AMBN: variants seen among roughly 807,000 people sequenced by gnomAD.
AMBN encodes ameloblastin, also known as enamel matrix protein.
AMBN carries 54 observed loss-of-function variants against 48.0 expected under a neutral mutation model. That is an observed-to-expected ratio of 1.12 (90% CI 0.90 to 1.41). The LOEUF (loss-of-function observed/expected upper bound fraction) is 1.41. Ranked by LOEUF, AMBN falls within the 40% of genes most tolerant of loss-of-function variation. The pLI, the probability that AMBN is intolerant of heterozygous loss-of-function variation, is 0.00. For synonymous variants in AMBN, 186 were observed against 190.0 expected (o/e 0.98, Z 0.17); for missense variants, 571 against 547.3 (o/e 1.04, Z -0.43).
At chr4:70,603,222 C>T in intron 9 of AMBN, 38 bp from the exon 10 acceptor site, 2 of 1,587,028 alleles carry the variant, frequency 1.3e-6, no homozygotes, top group South Asian at 1.1e-5. Context: ...GGGGATGTGC[C>T]TGTGAGAATT....
rs201299436 is a variant in AMBN, at chr4:70,606,212, G to A, written c.826G>A (p.Gly276Arg). The A allele has an allele frequency of 1.1e-5, 17 of 1,614,044 alleles. No individual in the cohort carries two copies. Among genetic ancestry groups the A allele is most frequent in the East Asian group, 2.2e-5 (1 of 44,846 alleles). ...CGGGAGAGAAGACCCAATGGCCTAT[G>A]GAGCCATGTTTCCAGGATTTGGAGG... ...AGGREDPMAYGAMFPGFGGMR... is the reference protein window; with the variant it reads ...AGGREDPMAYRAMFPGFGGMR... The change falls in exon 13 of 13, where the codon GGA (glycine) becomes AGA (arginine). Residue 276 changes from glycine to arginine, a missense_variant. Coordinates refer to ENST00000322937, the MANE Select transcript of AMBN (RefSeq NM_016519.6).
intron 2 of AMBN, 97 bp from the exon 3 acceptor site, chr4:70,596,902 G>C: frequency 1.0e-6 from 1 of 987,024 alleles, no homozygotes; most frequent in Non-Finnish European, 1.5e-6. Flanking sequence ...TGGCCTCTCA[G>C]GTAGCCCGTA....
chr4:70,592,278 C>T lies in AMBN; in HGVS notation c.-81C>T, dbSNP rs544578996. The stretch of plus-strand genomic sequence containing the variant: ...AATGAGAAGTACAGAGCAAGTCCCA[C>T]GCACAGTCCTGAAAAAAATTTTAAT... On this transcript the variant is annotated 5_prime_UTR_variant, in exon 1 of 13. In the 5' UTR this introduces an upstream ATG that the reference lacks. Coordinates refer to ENST00000322937, the MANE Select transcript of AMBN (RefSeq NM_016519.6). 79 of 1,354,702 alleles carry T rather than the reference C, an allele frequency of 5.8e-5. No individual in the cohort carries two copies. Among genetic ancestry groups the T allele is most frequent in the African/African-American group, 8.5e-5 (6 of 70,466 alleles). 83.9% of individuals were successfully genotyped at this position (1,354,702 alleles called of 1,614,324 possible). A position where few individuals can be genotyped will look rare whatever the true frequency, so the allele number is the denominator to read the frequency against.
chr4:70,592,570 A>G (rs1397739951), intron 1 of AMBN, among the ~76,000 whole-genome samples, 197 bp downstream of exon 1: 2 of 135,966 alleles, frequency 1.5e-5, no homozygotes, highest in African/African-American at 6.0e-5. Flanking sequence ...ACTTTTATTT[A>G]TAGATTGTGT....
Position 70,601,419 on chromosome 4 carries a change from A to G in AMBN, c.296A>G (p.Tyr99Cys), listed in dbSNP as rs1329082409. ...CACTCTTTTCAAATTTCTCTGCAGT[A>G]TGAATATTCTTTGCCTGTGCATCCC... ...MRPREHETQQ[Y>C]EYSLPVHPPP... Residue 99 changes from tyrosine (Y) to cysteine (C), a missense_variant and splice_region_variant, in exon 6 of 13, where the codon TAT (tyrosine) becomes TGT (cysteine). Physicochemically the swap from Tyr to Cys is radical, Grantham distance 194. Transcript: ENST00000322937. 1.2e-6 allele frequency: 2 copies of G among 1,613,474 alleles called. No individual in the cohort carries two copies. The highest frequency in any genetic ancestry group is 1.1e-5 in the South Asian group (1 of 91,046).
chr4:70,602,974 C>T lies in AMBN; in HGVS notation c.612C>T (p.Leu204=). ...MDFPDPQGPS[L]PGLDFADPQG... ...TTTAATATTTATCTGTAATATAGCT[C>T]CCAGGATTGGATTTTGCTGATCCAC... Residue 204 remains leucine (L), a splice_region_variant and synonymous_variant, in exon 9 of 13, where the codon CTC becomes CTT. Coordinates refer to ENST00000322937, the MANE Select transcript of AMBN (RefSeq NM_016519.6). The T allele has an allele frequency of 1.2e-6, 2 of 1,603,598 alleles. No homozygotes were observed. The highest frequency in any genetic ancestry group is 1.7e-6 in the Non-Finnish European group (2 of 1,175,056).
chr4:70,595,916 G>T (rs949374356), intron 2 of AMBN, among the ~76,000 whole-genome samples: 1 of 152,198 alleles, frequency 6.6e-6, no homozygotes, highest in Non-Finnish European at 1.5e-5. Flanking sequence ...GGCACTTTGG[G>T]AGGCCAAGGC....
intron 7 of AMBN, 47 bp from the exon 8 acceptor site, chr4:70,602,751 C>A: frequency 6.8e-7 from 1 of 1,471,174 alleles, no homozygotes; most frequent in Non-Finnish European, 9.2e-7. Flanking sequence ...TATTTAACTA[C>A]TTTGTTCATT....
Position 70,606,688 on chromosome 4 carries a change from G to T in AMBN, c.1302G>T (p.Glu434Asp), listed in dbSNP as rs372302987. 29 of 1,613,858 alleles carry T rather than the reference G, an allele frequency of 1.8e-5. No individual in the cohort carries two copies. The highest frequency in any genetic ancestry group is 2.3e-5 in the Non-Finnish European group (27 of 1,179,932). The stretch of plus-strand genomic sequence containing the variant: ...CCATGCCAGGAAACAAAGCCCAGGA[G>T]CCCGAGATGATGCATGACGCATGGC... ...QTSMPGNKAQ[E>D]PEMMHDAWHF... is the part of the protein sequence containing the mutation. The change falls in exon 13 of 13, where the codon GAG becomes GAT. Residue 434 changes from glutamate (E) to aspartate (D), a missense_variant. By Grantham distance (45) the Glu-to-Asp change is conservative. Transcript: ENST00000322937.
intron 12 of AMBN, among the ~76,000 whole-genome samples, chr4:70,605,683 G>A (rs967795539): frequency 1.3e-5 from 2 of 152,066 alleles, no homozygotes; most frequent in African/African-American, 4.8e-5. Flanking sequence ...AGCTACTAGG[G>A]AGGCTGAGGC....
rs1737388411 is a variant in AMBN at position 70,596,547 on chromosome 4, T to C, written c.85-452T>C. On this transcript the variant is annotated intron_variant, in intron 2 of 12. Coordinates refer to ENST00000322937, the MANE Select transcript of AMBN (RefSeq NM_016519.6). ...AGATTTTTCATATGATTTTTCTGAA[T>C]GTCATGATCCCATGCCATGTCTTGT... Among the ~76,000 whole-genome samples the C allele has an allele frequency of 2.6e-5, 4 of 152,316 alleles. No individual in the cohort carries two copies. In the South Asian group the frequency reaches 8.3e-4, roughly 32 times the overall value.
intron 5 of AMBN, among the ~76,000 whole-genome samples, chr4:70,600,600 G>T (rs117351187): frequency 1.3e-5 from 2 of 152,272 alleles, no homozygotes; most frequent in South Asian, 2.1e-4. Context: ...GCAAAGCAGA[G>T]CCCCAAATTG....
At chr4:70,603,944 T>C in intron 12 of AMBN, 23 bp downstream of exon 12, 2 of 1,612,542 alleles carry the variant, frequency 1.2e-6, no homozygotes, top group East Asian at 2.2e-5. Context: ...TTCTAACTCT[T>C]CTTAAAATAG....
In AMBN at chr4:70,601,459, A is replaced by G. The variant is rs199886372; in HGVS notation, c.336A>G (p.Ser112=). 1 of 1,614,164 alleles carries G rather than the reference A, an allele frequency of 6.2e-7. No individual in the cohort carries two copies. The highest frequency in any genetic ancestry group is 2.2e-5 in the East Asian group (1 of 44,878). The change falls in exon 6 of 13, where the codon TCA becomes TCG. Residue 112 remains serine (S), a synonymous_variant. Transcript: ENST00000322937. Reference sequence around the variant, plus strand: ...CTGTGCATCCCCCACCTCTCCCATCACAGCCATCCTTGAAGCCTCAACAGC... The same window carrying G: ...CTGTGCATCCCCCACCTCTCCCATCGCAGCCATCCTTGAAGCCTCAACAGC... ...SLPVHPPPLP[S]QPSLKPQQPG...
At position 70,606,440 on chromosome 4, in the gene AMBN, G is replaced by A. The variant is rs917347556; in HGVS notation, c.1054G>A (p.Gly352Arg). 2.5e-6 allele frequency: 4 copies of A among 1,613,792 alleles called. No individual in the cohort carries two copies. In the African/African-American group the frequency reaches 5.3e-5, roughly 22 times the overall value. Residue 352 changes from glycine to arginine, a missense_variant, in exon 13 of 13, where the codon GGG (glycine) becomes AGG (arginine). Transcript: ENST00000322937. The part of the protein sequence containing the change: ...LTELEPAPHA[G>R]LLALPKDDIP... ...AGAGCTAGAACCTGCTCCCCACGCA[G>A]GGCTCCTTGCTCTCCCTAAGGATGA...
intron 4 of AMBN, among the ~76,000 whole-genome samples, chr4:70,598,901 A>G (rs919689675): frequency 2.0e-5 from 3 of 151,200 alleles, no homozygotes; most frequent in East Asian, 1.9e-4. Flanking sequence ...CAGCCTCCCA[A>G]GTAGCTGGGA....
chr4:70,604,516 G>A (rs1056226544), intron 12 of AMBN, among the ~76,000 whole-genome samples: 4 of 139,034 alleles, frequency 2.9e-5, no homozygotes, highest in Non-Finnish European at 6.1e-5. Flanking sequence ...ACATCTGTTA[G>A]AGCACAAGGC....
At chr4:70,601,373 T>G (rs149779151) in intron 5 of AMBN, 45 bp from the exon 6 acceptor site, 1 of 1,589,068 alleles carries the variant, frequency 6.3e-7, no homozygotes, top group African/African-American at 1.3e-5. Flanking sequence ...CACCGTTGTT[T>G]AATGAGCCAT....
chr4:70,601,027 C>T (rs932212890), intron 5 of AMBN, among the ~76,000 whole-genome samples: 8 of 152,068 alleles, frequency 5.3e-5, no homozygotes, highest in African/African-American at 1.9e-4. Flanking sequence ...TAAAGAAAAA[C>T]AAAACATATC....
Sources: gnomAD v4.1 joint callset for allele counts (sites outside exome capture counted in the v4.1 genomes callset) on GRCh38, gnomAD v4.1.1 for gene constraint, MANE v1.5 for transcripts, NCBI Gene and HGNC (gene_info 2026-07-23, HGNC 2026-07-21) for gene names.